The following LINGO2 variants were observed in gnomAD, a reference collection of about 807,000 sequenced individuals.
LINGO2 encodes the protein leucine-rich repeat and immunoglobulin-like domain-containing nogo receptor-interacting protein 2.
A neutral mutation model predicts 30.6 loss-of-function variants in LINGO2; 14 were observed. That is an observed-to-expected ratio of 0.46 (90% CI 0.30 to 0.72). LINGO2 has a LOEUF of 0.72. Among genes scored for constraint, LINGO2 ranks in the 30% least tolerant of loss-of-function variants. LINGO2 has a pLI of 0.07. For synonymous variants in LINGO2, 317 were observed against 288.5 expected, an observed-to-expected ratio of 1.10 and a Z score of -1.00; for missense variants, 729 against 751.7, an observed-to-expected ratio of 0.97 and a Z score of 0.35.
chr9:28,543,116 C>T (rs1243872112), intron 1 of LINGO2, among the ~76,000 whole-genome samples: 1 of 152,058 alleles, frequency 6.6e-6, no homozygotes, highest in African/African-American at 2.4e-5. Flanking sequence ...TTTAGTACTT[C>T]AGGAAATAGC....
intron 1 of LINGO2, among the ~76,000 whole-genome samples, chr9:28,511,845 T>C (rs1001061667): frequency 1.3e-5 from 2 of 152,122 alleles, no homozygotes; most frequent in African/African-American, 4.8e-5. Context: ...ACTGGGAAGA[T>C]TTCCCTTCAC....
chr9:29,179,508 A>G, the LINGO2 span, among the ~76,000 whole-genome samples: 4 of 152,000 alleles, frequency 2.6e-5, no homozygotes, highest in East Asian at 7.8e-4. Context: ...GGGTTCAAGC[A>G]ATTCTCCTGC....
chr9:28,202,129 A>G (rs931472195), intron 4 of LINGO2, among the ~76,000 whole-genome samples: 1 of 152,058 alleles, frequency 6.6e-6, no homozygotes, highest in Non-Finnish European at 1.5e-5. Flanking sequence ...TTATAAGAAC[A>G]CCAGTCATAT....
intron 4 of LINGO2, among the ~76,000 whole-genome samples, chr9:28,274,246 C>T (rs1031055820): frequency 6.6e-6 from 1 of 152,110 alleles, no homozygotes; most frequent in East Asian, 1.9e-4. Flanking sequence ...TCTCTTTTAA[C>T]ACTATACCTT....
At chr9:28,788,342 A>T in the LINGO2 span, among the ~76,000 whole-genome samples, 1 of 152,184 alleles carries the variant, frequency 6.6e-6, no homozygotes, top group Non-Finnish European at 1.5e-5. Flanking sequence ...TTTTAAAGTA[A>T]ATTGTGTTTA....
intron 3 of LINGO2, among the ~76,000 whole-genome samples, chr9:28,357,675 T>C (rs1820276996): frequency 1.3e-5 from 2 of 152,240 alleles, no homozygotes; most frequent in South Asian, 2.1e-4. Context: ...TAAATGATAT[T>C]TCAACTAATA....
chr9:28,452,926 A>G (rs1824706443), intron 2 of LINGO2, among the ~76,000 whole-genome samples: 1 of 151,882 alleles, frequency 6.6e-6, no homozygotes, highest in African/African-American at 2.4e-5. Context: ...TTGCTTAAGG[A>G]GGAGTTTAAA....
chr9:29,093,351 A>C, the LINGO2 span, among the ~76,000 whole-genome samples: 1 of 133,344 alleles, frequency 7.5e-6, no homozygotes, highest in Admixed American at 7.9e-5. Flanking sequence ...ATCAAGGTAA[A>C]TATATCTGAT....
At chr9:28,580,597 T>C (rs1824213013) in intron 1 of LINGO2, among the ~76,000 whole-genome samples, 1 of 151,978 alleles carries the variant, frequency 6.6e-6, no homozygotes, top group South Asian at 2.1e-4. Flanking sequence ...AGTGACACAT[T>C]AACTGTAGAA....
In LINGO2 at chr9:28,404,925, TG is replaced by T. The variant is rs1564178550; in HGVS notation, c.-278-32058del. 2.3e-4 allele frequency among the ~76,000 whole-genome samples: 33 copies of T among 141,830 alleles called. 1 individual carries two copies. The South Asian group carries it at 5.0e-3, about 22-fold the overall frequency. The allele number at this position is 141,830 out of a possible 152,430, so 93.0% of individuals were successfully genotyped here. A position where few individuals can be genotyped will look rare whatever the true frequency, so the allele number is the denominator to read the frequency against. On this transcript the variant is annotated intron_variant, in intron 2 of 5. Transcript: ENST00000379992. The stretch of plus-strand genomic sequence containing the variant: ...TTGTGTGTGTGTGTGTGTGTGTGTG[TG>T]TAAAATTCCAGAAGGACTACACCTT...
chr9:29,103,965 G>A, the LINGO2 span, among the ~76,000 whole-genome samples: 5 of 152,086 alleles, frequency 3.3e-5, no homozygotes, highest in Non-Finnish European at 1.5e-5. Context: ...CTCTAAATTT[G>A]GACAAGAGCA....
the LINGO2 span, among the ~76,000 whole-genome samples, chr9:29,128,456 T>C: frequency 6.6e-6 from 1 of 152,162 alleles, no homozygotes; most frequent in Non-Finnish European, 1.5e-5. Flanking sequence ...TGAAATATTG[T>C]TTGGCCCCAA....
chr9:28,505,161 C>T (rs1812900147), intron 1 of LINGO2, among the ~76,000 whole-genome samples: 1 of 151,780 alleles, frequency 6.6e-6, no homozygotes, highest in Admixed American at 6.6e-5. Context: ...TTGGCCATAC[C>T]TATTGAACAA....
intron 5 of LINGO2, among the ~76,000 whole-genome samples, chr9:27,964,251 A>C (rs1034266771): frequency 1.3e-5 from 2 of 151,998 alleles, no homozygotes; most frequent in Admixed American, 6.6e-5. Flanking sequence ...ATTATAACAT[A>C]TTTTTTTCTA....
At chr9:28,405,040 A>T (rs1822440846) in intron 2 of LINGO2, among the ~76,000 whole-genome samples, 3 of 152,142 alleles carry the variant, frequency 2.0e-5, no homozygotes, top group Non-Finnish European at 2.9e-5. Context: ...AAAAAGATCT[A>T]ACTCAATAAG....
chr9:28,691,692 A>G, the LINGO2 span, among the ~76,000 whole-genome samples: 8 of 152,194 alleles, frequency 5.3e-5, no homozygotes, highest in Non-Finnish European at 2.9e-5. Flanking sequence ...TAACATTTAT[A>G]TAAGGTATGT....
At chr9:28,301,363 TAAAAAAAA>T (rs61526992) in intron 3 of LINGO2, among the ~76,000 whole-genome samples, 4 of 139,420 alleles carry the variant, frequency 2.9e-5, no homozygotes, top group Non-Finnish European at 6.3e-5. Flanking sequence ...CATGACAAGT[TAAAAAAAA>T]AAAAACAAAA....
the LINGO2 span, among the ~76,000 whole-genome samples, chr9:28,800,346 G>C: frequency 6.6e-6 from 1 of 151,996 alleles, no homozygotes; most frequent in Non-Finnish European, 1.5e-5. Flanking sequence ...ATATTTTGAA[G>C]TTTCAATTTA....
At chr9:28,547,499 A>G (rs1822010567) in intron 1 of LINGO2, among the ~76,000 whole-genome samples, 1 of 152,152 alleles carries the variant, frequency 6.6e-6, no homozygotes, top group Admixed American at 6.6e-5. Context: ...TACTGCTCTA[A>G]GAGCTAAACT....
Sources: gnomAD v4.1 joint callset for allele counts (sites outside exome capture counted in the v4.1 genomes callset) on GRCh38, gnomAD v4.1.1 for gene constraint, MANE v1.5 for transcripts, NCBI Gene and HGNC (gene_info 2026-07-23, HGNC 2026-07-21) for gene names.